PTPRN2: variants seen among roughly 807,000 people sequenced by gnomAD.
PTPRN2 encodes the protein protein tyrosine phosphatase receptor type N2.
Under a neutral mutation model 118.8 loss-of-function variants are expected in PTPRN2, and 74 were observed. The observed-to-expected ratio is 0.62, with a 90% CI of 0.52 to 0.76. PTPRN2 has a LOEUF of 0.76. PTPRN2 is among the 30% of genes least tolerant of loss of function. The pLI is 0.00. For synonymous variants in PTPRN2, 641 were observed against 608.0 expected, an observed-to-expected ratio of 1.05 and a Z score of -0.80; for missense variants, 1,481 against 1,394.4, an observed-to-expected ratio of 1.06 and a Z score of -0.99.
intron 10 of PTPRN2, among the ~76,000 whole-genome samples, chr7:158,106,684 G>T (rs544949336): frequency 5.9e-5 from 9 of 152,244 alleles, no homozygotes; most frequent in African/African-American, 2.2e-4. Context: ...CACTATCTGT[G>T]CCCTGCTCCC....
At chr7:158,174,780 C>T (rs1015634585) in intron 5 of PTPRN2, among the ~76,000 whole-genome samples, 5 of 152,178 alleles carry the variant, frequency 3.3e-5, no homozygotes, top group African/African-American at 1.2e-4. Flanking sequence ...TGGAGGAAAT[C>T]AGAGCTGCTT....
chr7:158,378,481 G>T (rs1810720654), intron 2 of PTPRN2, among the ~76,000 whole-genome samples: 1 of 152,182 alleles, frequency 6.6e-6, no homozygotes, highest in Non-Finnish European at 1.5e-5. Context: ...CTGCATCCGA[G>T]GATGACTTCA....
At chr7:157,952,226 G>T (rs942417687) in intron 11 of PTPRN2, among the ~76,000 whole-genome samples, 1 of 152,168 alleles carries the variant, frequency 6.6e-6, no homozygotes, top group South Asian at 2.1e-4. Context: ...CGCCAGACGC[G>T]GGCGATGGGG....
At chr7:157,677,983 A>G (rs1427219475) in intron 13 of PTPRN2, among the ~76,000 whole-genome samples, 2 of 152,248 alleles carry the variant, frequency 1.3e-5, no homozygotes, top group Admixed American at 6.5e-5. Flanking sequence ...TTTCAAGAGA[A>G]TTCTACTGTA....
rs1674136021 is a variant in PTPRN2, at chr7:158,443,999, T to C, written c.163+45736A>G. Among the ~76,000 whole-genome samples, 3 of 152,192 alleles carry C rather than the reference T, an allele frequency of 2.0e-5. No homozygotes were observed. In the South Asian group the frequency reaches 6.2e-4, roughly 31 times the overall value. On this transcript the variant is annotated intron_variant, in intron 2 of 22. Coordinates refer to ENST00000389418, the MANE Select transcript of PTPRN2 (RefSeq NM_002847.5). ...GGCTCATACCCGTCTCTGGGTGTCA[T>C]TCCAGCAGCACCTTCTCCTCCTTTC...
At chr7:158,157,537 C>T (rs1821933021) in intron 6 of PTPRN2, among the ~76,000 whole-genome samples, 1 of 152,218 alleles carries the variant, frequency 6.6e-6, no homozygotes, top group African/African-American at 2.4e-5. Flanking sequence ...AGTCGGGGAG[C>T]CTCCTCCCCC....
chr7:158,331,442 C>G (rs370158378), intron 2 of PTPRN2, among the ~76,000 whole-genome samples: 1 of 149,306 alleles, frequency 6.7e-6, no homozygotes, highest in East Asian at 2.0e-4. Context: ...CACCCATACT[C>G]TCACCATAAG....
chr7:157,808,316 T>C lies in PTPRN2; in HGVS notation c.1788+90357A>G, dbSNP rs1013681169. Reference sequence around the variant, plus strand: ...GGTGAGTGGTGGGTGAGTGAGTACGTGAGTGGCAGGTAAGCGGGTGAGTGG... The same window carrying C: ...GGTGAGTGGTGGGTGAGTGAGTACGCGAGTGGCAGGTAAGCGGGTGAGTGG... On this transcript the variant is annotated intron_variant, in intron 12 of 22. Transcript: ENST00000389418. This position sits in a 1 kb window ranked among gnomAD's most constrained non-coding sequence, Gnocchi z 5.0. 8.6e-5 allele frequency among the ~76,000 whole-genome samples: 13 copies of C among 151,812 alleles called. No individual in the cohort carries two copies. Among genetic ancestry groups the C allele is most frequent in the African/African-American group, 2.9e-4 (12 of 41,284 alleles).
intron 6 of PTPRN2, among the ~76,000 whole-genome samples, chr7:158,150,026 G>A (rs533808285): frequency 7.9e-5 from 12 of 152,302 alleles, no homozygotes; most frequent in South Asian, 4.1e-4. Flanking sequence ...TTTAGGTGGC[G>A]TAGTGTGGCA....
chr7:157,991,010 G>A (rs1804214695), intron 11 of PTPRN2, among the ~76,000 whole-genome samples: 2 of 152,204 alleles, frequency 1.3e-5, no homozygotes, highest in Admixed American at 6.5e-5. Flanking sequence ...GAAGGTGTGC[G>A]GGGTGTGGAC....
At position 157,649,687 on chromosome 7, in the gene PTPRN2, C is replaced by T. The variant is rs577980328; in HGVS notation, c.2196+6670G>A. On this transcript the variant is annotated intron_variant, in intron 14 of 22. Coordinates refer to ENST00000389418, the MANE Select transcript of PTPRN2 (RefSeq NM_002847.5). Reference sequence around the variant, plus strand: ...CCAGCGTGCACTGAACTCGGTGGGTCGGACCCATTCACTGTGCACTGAACT... The same window carrying T: ...CCAGCGTGCACTGAACTCGGTGGGTTGGACCCATTCACTGTGCACTGAACT... 2.5e-3 allele frequency among the ~76,000 whole-genome samples: 325 copies of T among 130,920 alleles called. 6 individuals carry two copies. The highest frequency in any genetic ancestry group is 8.7e-3 in the African/African-American group (311 of 35,548). 85.9% of individuals were successfully genotyped at this position (130,920 alleles called of 152,430 possible).
rs1335878665 is a variant in PTPRN2, at chr7:158,134,600, G to A, written c.1174-541C>T. Among the ~76,000 whole-genome samples, 7 of 152,104 alleles carry A rather than the reference G, an allele frequency of 4.6e-5. No individual in the cohort carries two copies. The East Asian group carries it at 5.8e-4, about 13-fold the overall frequency. On this transcript the variant is annotated intron_variant, in intron 8 of 22. Transcript: ENST00000389418. The stretch of plus-strand genomic sequence containing the variant: ...AACCCCAGTTCACAGAAGGGGAGAC[G>A]GAGGCACAAAGCGATTAACCCACAA...
intron 14 of PTPRN2, among the ~76,000 whole-genome samples, chr7:157,655,706 T>A (rs1250766728): frequency 6.6e-6 from 1 of 152,122 alleles, no homozygotes; most frequent in Non-Finnish European, 1.5e-5. Flanking sequence ...GGCCTGGAGA[T>A]CCAGGAGGCA....
intron 21 of PTPRN2, among the ~76,000 whole-genome samples, chr7:157,566,132 C>T (rs938021277): frequency 3.9e-5 from 6 of 152,248 alleles, no homozygotes; most frequent in African/African-American, 1.4e-4. Flanking sequence ...TCTGCGGCCG[C>T]AGCTGCTGGA....
chr7:157,594,056 A>G lies in PTPRN2; in HGVS notation c.2496+1182T>C, dbSNP rs193289052. 3.0e-4 allele frequency among the ~76,000 whole-genome samples: 45 copies of G among 152,320 alleles called. 1 individual carries two copies. The highest frequency in any genetic ancestry group is 9.6e-4 in the African/African-American group (40 of 41,580). ...CTGGGTAAGTGATGCCATCTCTCCA[A>G]TACCCATGTGCCTTGCCCATAAAAT... On this transcript the variant is annotated intron_variant, in intron 17 of 22. Transcript: ENST00000389418.
At chr7:157,727,621 CGTT>C (rs1187800213) in intron 12 of PTPRN2, among the ~76,000 whole-genome samples, 1 of 152,206 alleles carries the variant, frequency 6.6e-6, no homozygotes, top group Non-Finnish European at 1.5e-5. Context: ...GCTCGCACAA[CGTT>C]GTGAACACAT....
chr7:158,011,411 G>A (rs1865461), intron 11 of PTPRN2, among the ~76,000 whole-genome samples: 127,629 of 151,796 alleles, frequency 0.84, 53,739 homozygotes, highest in East Asian at 0.88. Flanking sequence ...CACAAAAGAT[G>A]CACAGGTGTT....
At chr7:158,518,758 G>A (rs1453602027) in intron 1 of PTPRN2, among the ~76,000 whole-genome samples, 1 of 152,190 alleles carries the variant, frequency 6.6e-6, no homozygotes, top group Non-Finnish European at 1.5e-5. Flanking sequence ...GCTGAAACAG[G>A]TGAATTGCTT....
At chr7:158,072,635 G>C (rs1242488334) in intron 11 of PTPRN2, among the ~76,000 whole-genome samples, 2 of 152,148 alleles carry the variant, frequency 1.3e-5, no homozygotes, top group African/African-American at 4.8e-5. Context: ...ACCAAGAGCT[G>C]CTTCTCCGGA....
Sources: allele counts gnomAD v4.1 joint callset (sites outside exome capture counted in the v4.1 genomes callset), GRCh38; gene constraint gnomAD v4.1.1; non-coding constraint Gnocchi (gnomAD v3.1); transcripts MANE v1.5; gene names NCBI Gene and HGNC (gene_info 2026-07-23, HGNC 2026-07-21).